Variants in KIAA1328 observed in about 807,000 individuals in gnomAD.
The protein encoded by KIAA1328 is protein hinderin.
KIAA1328 carries 52 observed loss-of-function variants against 68.1 expected under a neutral mutation model. That is an observed-to-expected ratio of 0.76 (90% CI 0.61 to 0.96). KIAA1328 has a LOEUF of 0.96. Ranked by LOEUF, KIAA1328 falls within the 40% of genes least tolerant of loss-of-function variation. The pLI is 0.00. For missense variants in KIAA1328, 641 were observed against 677.6 expected (o/e 0.95, Z 0.60); for synonymous variants, 232 against 239.4 (o/e 0.97, Z 0.28).
At chr18:37,112,455 G>A (rs1051561004) in intron 7 of KIAA1328, among the ~76,000 whole-genome samples, 16 of 152,150 alleles carry the variant, frequency 1.1e-4, no homozygotes, top group African/African-American at 2.9e-4. Flanking sequence ...CTGTGGCTGA[G>A]GGTTCTGACT....
intron 5 of KIAA1328, among the ~76,000 whole-genome samples, chr18:36,948,199 C>G (rs967192128): frequency 6.6e-6 from 1 of 150,614 alleles, no homozygotes. Flanking sequence ...ATGGTAAGAA[C>G]AAATCTCTTC....
intron 6 of KIAA1328, among the ~76,000 whole-genome samples, chr18:36,993,428 C>A (rs966567675): frequency 6.6e-6 from 1 of 152,238 alleles, no homozygotes; most frequent in South Asian, 2.1e-4. Flanking sequence ...GAATATAATA[C>A]AAATGCTAAA....
At chr18:37,003,547 C>T (rs559146635) in intron 6 of KIAA1328, among the ~76,000 whole-genome samples, 19 of 152,190 alleles carry the variant, frequency 1.2e-4, no homozygotes, top group Admixed American at 1.2e-3. Flanking sequence ...GGGTTGTTTA[C>T]TCTGCTAATG....
At chr18:36,893,890 G>A (rs1237434971) in intron 5 of KIAA1328, among the ~76,000 whole-genome samples, 5 of 152,128 alleles carry the variant, frequency 3.3e-5, no homozygotes, top group African/African-American at 7.2e-5. Context: ...CATGGTATTC[G>A]GAGGCAAGAC....
chr18:36,937,002 A>G (rs1405500204), intron 5 of KIAA1328, among the ~76,000 whole-genome samples: 5 of 152,204 alleles, frequency 3.3e-5, no homozygotes, highest in Non-Finnish European at 7.3e-5. Context: ...TACTGATAGC[A>G]AAAACAGGCA....
intron 5 of KIAA1328, among the ~76,000 whole-genome samples, chr18:36,935,025 T>C (rs892791410): frequency 6.6e-6 from 1 of 152,244 alleles, no homozygotes; most frequent in Non-Finnish European, 1.5e-5. Context: ...ATTTCTTCAA[T>C]CTGTTTCTCT....
intron 6 of KIAA1328, among the ~76,000 whole-genome samples, chr18:37,013,549 A>T (rs890945645): frequency 6.6e-6 from 1 of 152,060 alleles, no homozygotes; most frequent in African/African-American, 2.4e-5. Flanking sequence ...CTTCATATCC[A>T]TGAGTGCCTT....
At chr18:37,152,451 G>A (rs539094746) in intron 7 of KIAA1328, among the ~76,000 whole-genome samples, 3 of 152,108 alleles carry the variant, frequency 2.0e-5, no homozygotes, top group Non-Finnish European at 4.4e-5. Context: ...AGTAGAAGGC[G>A]AGCAGGGTAC....
chr18:37,197,487 T>A (rs2060026167), intron 9 of KIAA1328, among the ~76,000 whole-genome samples: 1 of 152,160 alleles, frequency 6.6e-6, no homozygotes, highest in African/African-American at 2.4e-5. Flanking sequence ...GGGATATTAG[T>A]CCCAGGCAGA....
chr18:37,002,167 G>C (rs1407222389), intron 6 of KIAA1328, among the ~76,000 whole-genome samples: 1 of 150,354 alleles, frequency 6.7e-6, no homozygotes, highest in Non-Finnish European at 1.5e-5. Context: ...AAAATTACAA[G>C]ATACAAAATT....
At chr18:37,170,529 T>C (rs908950250) in intron 8 of KIAA1328, among the ~76,000 whole-genome samples, 20 of 152,354 alleles carry the variant, frequency 1.3e-4, no homozygotes, top group Non-Finnish European at 2.8e-4. Flanking sequence ...TTCAGTTTAA[T>C]GCTTTTGCTA....
intron 4 of KIAA1328, among the ~76,000 whole-genome samples, chr18:36,882,618 C>A (rs2048360703): frequency 6.6e-6 from 1 of 152,070 alleles, no homozygotes; most frequent in African/African-American, 2.4e-5. Flanking sequence ...ATAGTCAAAT[C>A]ATAGCAGCAT....
chr18:37,043,627 C>T (rs2055347901), intron 6 of KIAA1328, among the ~76,000 whole-genome samples: 1 of 152,184 alleles, frequency 6.6e-6, no homozygotes, highest in Admixed American at 6.5e-5. Context: ...GGCTTCAACC[C>T]TTTGTCACTG....
At chr18:37,169,156 ATTTATTTATT>A (rs2059447073) in intron 8 of KIAA1328, among the ~76,000 whole-genome samples, 1 of 149,902 alleles carries the variant, frequency 6.7e-6, no homozygotes, top group Admixed American at 6.7e-5. Context: ...TTATTTATTT[ATTTATTTATT>A]TATATTTTTT....
rs1288467372 is a variant in KIAA1328 at position 37,224,231 on chromosome 18, G to A, written c.*2004G>A. The A allele has an allele frequency of 1.1e-5, 11 of 985,340 alleles. No individual in the cohort carries two copies. In the African/African-American group the frequency reaches 1.9e-4, roughly 17 times the overall value. 61.0% of individuals were successfully genotyped at this position (985,340 alleles called of 1,614,324 possible). A position where few individuals can be genotyped will look rare whatever the true frequency, so the allele number is the denominator to read the frequency against. On this transcript the variant is annotated 3_prime_UTR_variant, in exon 10 of 10. Coordinates refer to ENST00000280020, the MANE Select transcript of KIAA1328 (RefSeq NM_020776.3). ...ACTCCAGTGTCCTTAAAACTCTGGA[G>A]TGAGAGGATGCCAGAGGATCAAGAA...
intron 5 of KIAA1328, among the ~76,000 whole-genome samples, chr18:36,944,720 AAC>A (rs2050837948): frequency 6.6e-6 from 1 of 152,206 alleles, no homozygotes; most frequent in South Asian, 2.1e-4. Context: ...GTAAGGAAGA[AAC>A]AGAATGAACC....
chr18:37,074,149 T>C (rs2151761806), intron 7 of KIAA1328, among the ~76,000 whole-genome samples: 1 of 152,332 alleles, frequency 6.6e-6, no homozygotes, highest in East Asian at 1.9e-4. Context: ...TAAAAGTTTT[T>C]TGTCGATATA....
chr18:37,120,193 A>G (rs184822309), intron 7 of KIAA1328, among the ~76,000 whole-genome samples: 1 of 152,164 alleles, frequency 6.6e-6, no homozygotes, highest in African/African-American at 2.4e-5. Flanking sequence ...AAAAAAATTC[A>G]TCTTGATTTT....
intron 5 of KIAA1328, among the ~76,000 whole-genome samples, chr18:36,905,097 T>C (rs1437131165): frequency 8.8e-6 from 1 of 113,384 alleles, no homozygotes; most frequent in Non-Finnish European, 2.2e-5. Context: ...ATTTATTTAT[T>C]TATTTATTTA....
Sources: allele counts gnomAD v4.1 joint callset (sites outside exome capture counted in the v4.1 genomes callset), GRCh38; gene constraint gnomAD v4.1.1; transcripts MANE v1.5; gene names NCBI Gene and HGNC (gene_info 2026-07-23, HGNC 2026-07-21).